The following TIAM1 variants were observed in gnomAD, a reference collection of about 807,000 sequenced individuals.
The protein encoded by TIAM1 is rho guanine nucleotide exchange factor TIAM1.
In TIAM1, 65 loss-of-function variants were observed where a neutral mutation model predicts 163.5. The observed-to-expected ratio is 0.40, with a 90% CI of 0.33 to 0.49. The LOEUF (loss-of-function observed/expected upper bound fraction) is 0.49, where lower values mean the gene tolerates loss of function less well. Among genes scored for constraint, TIAM1 ranks in the 20% least tolerant of loss-of-function variants. The pLI is 0.77. For synonymous variants in TIAM1, 833 were observed against 810.1 expected, an observed-to-expected ratio of 1.03 and a Z score of -0.48; for missense variants, 1,789 against 2,044.7, an observed-to-expected ratio of 0.87 and a Z score of 2.41.
At chr21:31,472,034 G>A (rs1271579065) in intron 1 of TIAM1, among the ~76,000 whole-genome samples, 1 of 152,048 alleles carries the variant, frequency 6.6e-6, no homozygotes, top group East Asian at 1.9e-4. Context: ...CCTCAGCTCA[G>A]AGGCACAAGG....
intron 6 of TIAM1, among the ~76,000 whole-genome samples, chr21:31,229,784 T>C (rs983707079): frequency 3.3e-5 from 5 of 151,856 alleles, no homozygotes; most frequent in Non-Finnish European, 7.4e-5. Flanking sequence ...TCCCGAGCAG[T>C]TGGAATTACA....
At chr21:31,350,806 T>G (rs964752237) in intron 2 of TIAM1, among the ~76,000 whole-genome samples, 1 of 152,280 alleles carries the variant, frequency 6.6e-6, no homozygotes, top group African/African-American at 2.4e-5. Flanking sequence ...TATTTCTTTA[T>G]AGCAATGCAA....
chr21:31,174,565 A>G (rs73349778), intron 15 of TIAM1, among the ~76,000 whole-genome samples: 10,707 of 152,256 alleles, frequency 0.07, 1,302 homozygotes, highest in African/African-American at 0.24. Context: ...CTCCAACACC[A>G]CAGCAGGAAT....
rs116557974 is a variant in TIAM1, at chr21:31,268,075, C to T, written c.-11-1092G>A. 2.3e-3 allele frequency among the ~76,000 whole-genome samples: 353 copies of T among 152,204 alleles called. 3 individuals carry two copies. The highest frequency in any genetic ancestry group is 8.0e-3 in the African/African-American group (331 of 41,522). The stretch of plus-strand genomic sequence containing the variant: ...TCTAGCGCACTTCAAATTGTATGCA[C>T]TTAAGATAACGCACATGAAAATAGC... On this transcript the variant is annotated intron_variant, in intron 3 of 27. Transcript: ENST00000541036.
At chr21:31,463,674 C>A (rs1390397621) in intron 2 of TIAM1, among the ~76,000 whole-genome samples, 1 of 151,944 alleles carries the variant, frequency 6.6e-6, no homozygotes, top group Admixed American at 6.6e-5. Flanking sequence ...AAAAATCAGC[C>A]AGGCATTGTG....
chr21:31,293,810 G>C (rs1274785877), intron 2 of TIAM1, among the ~76,000 whole-genome samples: 1 of 152,166 alleles, frequency 6.6e-6, no homozygotes, highest in Non-Finnish European at 1.5e-5. Flanking sequence ...ATCAAGAGTG[G>C]TGACTACCTT....
intron 2 of TIAM1, among the ~76,000 whole-genome samples, chr21:31,423,723 A>C (rs937652913): frequency 2.0e-5 from 3 of 148,940 alleles, no homozygotes; most frequent in African/African-American, 5.0e-5. Flanking sequence ...AAAAAAAAAA[A>C]AAAAAACCTT....
At chr21:31,340,810 A>G (rs538548426) in intron 1 of TIAM1, among the ~76,000 whole-genome samples, 1 of 152,140 alleles carries the variant, frequency 6.6e-6, no homozygotes, top group Non-Finnish European at 1.5e-5. Context: ...AAAAGGAAAG[A>G]AAAAAACAAC....
chr21:31,168,396 C>T (rs948155278), intron 15 of TIAM1, among the ~76,000 whole-genome samples: 16 of 151,490 alleles, frequency 1.1e-4, no homozygotes, highest in Non-Finnish European at 4.4e-5. Context: ...CCAGCCTGTT[C>T]CCTGAGATTC....
chr21:31,323,661 T>A (rs576966805), intron 2 of TIAM1, among the ~76,000 whole-genome samples: 1 of 151,582 alleles, frequency 6.6e-6, no homozygotes, highest in African/African-American at 2.4e-5. Context: ...CAAAACCCCG[T>A]CTCTACTAAA....
chr21:31,181,537 G>A (rs2146435461), intron 15 of TIAM1, among the ~76,000 whole-genome samples: 1 of 151,916 alleles, frequency 6.6e-6, no homozygotes, highest in East Asian at 2.0e-4. Context: ...GAAGCGCTCG[G>A]GTTCAGTCTT....
chr21:31,196,478 A>ATTTTTTTTTTTT (rs59358430), intron 12 of TIAM1, among the ~76,000 whole-genome samples: 8 of 133,084 alleles, frequency 6.0e-5, no homozygotes, highest in African/African-American at 2.5e-4. Context: ...CATCTGGCTA[A>ATTTTTTTTTTTT]TTTTTTTTTT....
chr21:31,411,466 A>G (rs2077356160), intron 2 of TIAM1, among the ~76,000 whole-genome samples: 1 of 138,148 alleles, frequency 7.2e-6, no homozygotes, highest in Non-Finnish European at 1.5e-5. Flanking sequence ...CCATTTCCCA[A>G]GAAACTTTTT....
At chr21:31,424,100 G>A (rs2043695526) in intron 2 of TIAM1, among the ~76,000 whole-genome samples, 1 of 152,206 alleles carries the variant, frequency 6.6e-6, no homozygotes, top group Non-Finnish European at 1.5e-5. Context: ...GCTCAGAAAA[G>A]GAAAATGGTC....
intron 2 of TIAM1, among the ~76,000 whole-genome samples, chr21:31,400,465 T>G (rs1569298745): frequency 6.6e-6 from 1 of 152,096 alleles, no homozygotes; most frequent in East Asian, 1.9e-4. Context: ...ATTAGAGCAG[T>G]GGCAGCACAT....
chr21:31,251,850 G>C lies in TIAM1; in HGVS notation c.1303C>G (p.Arg435Gly). Reference sequence around the variant, plus strand: ...TTGACGGCCAGGGCGCCGGCCTTGCGCACCGTGCCCTGTGCGGCGGTCAGC... The same window carrying C: ...TTGACGGCCAGGGCGCCGGCCTTGCCCACCGTGCCCTGTGCGGCGGTCAGC... ...ILLTAAQGTV[R>G]KAGALAVKNF... Residue 435 changes from arginine to glycine, a missense_variant, in exon 5 of 28, where the codon CGC (arginine) becomes GGC (glycine). By Grantham distance (125) the Arg-to-Gly change is moderately radical. Transcript: ENST00000541036. The C allele has an allele frequency of 6.2e-7, 1 of 1,613,848 alleles. No individual in the cohort carries two copies. Among genetic ancestry groups the C allele is most frequent in the Non-Finnish European group, 8.5e-7 (1 of 1,179,872 alleles).
At chr21:31,528,957 A>ACTCT (rs10630198) in intron 1 of TIAM1, among the ~76,000 whole-genome samples, 1 of 141,026 alleles carries the variant, frequency 7.1e-6, no homozygotes, top group Non-Finnish European at 1.5e-5. Context: ...ACAGAGTCTC[A>ACTCT]GTCGCCCAGG....
At chr21:31,419,637 A>G (rs1351690866) in intron 2 of TIAM1, among the ~76,000 whole-genome samples, 1 of 152,236 alleles carries the variant, frequency 6.6e-6, no homozygotes, top group African/African-American at 2.4e-5. Flanking sequence ...AAAATTTTTA[A>G]TCTAAGGATG....
chr21:31,362,628 G>A (rs948678340), intron 2 of TIAM1, among the ~76,000 whole-genome samples: 22 of 151,578 alleles, frequency 1.5e-4, no homozygotes, highest in Non-Finnish European at 2.5e-4. Context: ...TACCACACCC[G>A]GCTAATTTTT....
Sources: allele counts gnomAD v4.1 joint callset (sites outside exome capture counted in the v4.1 genomes callset), GRCh38; gene constraint gnomAD v4.1.1; transcripts MANE v1.5; gene names NCBI Gene and HGNC (gene_info 2026-07-23, HGNC 2026-07-21).